DTNA: variants seen among roughly 807,000 people sequenced by gnomAD.
The protein encoded by DTNA is dystrophin-related protein 3.
Under a neutral mutation model 100.7 loss-of-function variants are expected in DTNA, and 43 were observed. The ratio of observed to expected loss-of-function variants is 0.43; its 90% CI spans 0.33 to 0.55. DTNA has a LOEUF of 0.55. DTNA is among the 20% of genes least tolerant of loss of function. The pLI is 0.04. For missense variants in DTNA, 798 were observed against 953.9 expected, an observed-to-expected ratio of 0.84 and a Z score of 2.15; for synonymous variants, 349 against 347.9, an observed-to-expected ratio of 1.00 and a Z score of -0.04.
intron 17 of DTNA, among the ~76,000 whole-genome samples, chr18:34,873,365 A>G (rs1053179773): frequency 1.3e-5 from 2 of 152,206 alleles, no homozygotes; most frequent in African/African-American, 4.8e-5. Context: ...CCCTTGATAA[A>G]GAGGACAGAG....
chr18:34,726,665 T>C (rs947119955), intron 1 of DTNA, among the ~76,000 whole-genome samples: 4 of 152,228 alleles, frequency 2.6e-5, no homozygotes, highest in Non-Finnish European at 5.9e-5. Context: ...GTGCAAGGGA[T>C]GGACTCCCAA....
chr18:34,841,273 C>T lies in DTNA; in HGVS notation c.1346+2436C>T, dbSNP rs80111425. ...CTCTTTTAAAATCTGCATCAACACA[C>T]GCCTTTCAGGATCTTTTGTGGATGC... is the stretch of plus-strand genomic sequence containing the variant. On this transcript the variant is annotated intron_variant, in intron 13 of 22. Coordinates refer to ENST00000444659, the MANE Select transcript of DTNA (RefSeq NM_001386795.1). 7.3e-3 allele frequency among the ~76,000 whole-genome samples: 1,105 copies of T among 152,298 alleles called. 18 individuals carry two copies. The highest frequency in any genetic ancestry group is 0.025 in the African/African-American group (1,026 of 41,566).
intron 4 of DTNA, among the ~76,000 whole-genome samples, chr18:34,796,390 T>C (rs2094970491): frequency 6.6e-6 from 1 of 152,190 alleles, no homozygotes; most frequent in African/African-American, 2.4e-5. Flanking sequence ...AATAGTAAAC[T>C]CCAATTTATC....
chr18:34,748,229 T>A lies in DTNA; in HGVS notation c.-1-7747T>A, dbSNP rs965863389. Among the ~76,000 whole-genome samples the A allele has an allele frequency of 1.1e-4, 4 of 36,206 alleles. No individual in the cohort carries two copies. In the Admixed American group the frequency reaches 2.0e-3, roughly 18 times the overall value. 23.8% of individuals were successfully genotyped at this position (36,206 alleles called of 152,430 possible). Reference sequence around the variant, plus strand: ...TTAATCCTTTGTCAGATGCATAGTTTGAGAAGATTTTCTCCCACTATATGG... The same window carrying A: ...TTAATCCTTTGTCAGATGCATAGTTAGAGAAGATTTTCTCCCACTATATGG... On this transcript the variant is annotated intron_variant, in intron 1 of 22. Coordinates refer to ENST00000444659, the MANE Select transcript of DTNA (RefSeq NM_001386795.1).
At chr18:34,667,466 A>C (rs376770765) in intron 1 of DTNA, among the ~76,000 whole-genome samples, 2 of 151,952 alleles carry the variant, frequency 1.3e-5, no homozygotes, top group African/African-American at 4.8e-5. Flanking sequence ...CTATGTTGAA[A>C]AGGAGTGGTG....
At chr18:34,591,164 T>C (rs2049681239) in intron 1 of DTNA, among the ~76,000 whole-genome samples, 2 of 152,184 alleles carry the variant, frequency 1.3e-5, no homozygotes, top group African/African-American at 4.8e-5. Flanking sequence ...GAAGTGCTCT[T>C]AACAAATATT....
At chr18:34,503,210 C>A (rs1187538178) in intron 1 of DTNA, among the ~76,000 whole-genome samples, 2 of 151,030 alleles carry the variant, frequency 1.3e-5, no homozygotes, top group African/African-American at 4.9e-5. Flanking sequence ...TTTTTCCATC[C>A]TTGTACTTTC....
At chr18:34,839,518 T>C (rs1356217199) in intron 13 of DTNA, among the ~76,000 whole-genome samples, 1 of 152,208 alleles carries the variant, frequency 6.6e-6, no homozygotes, top group Non-Finnish European at 1.5e-5. Context: ...CTTCCATTGG[T>C]TAAAGTTACT....
At chr18:34,799,977 C>G (rs2095143911) in intron 4 of DTNA, among the ~76,000 whole-genome samples, 1 of 152,128 alleles carries the variant, frequency 6.6e-6, no homozygotes, top group African/African-American at 2.4e-5. Flanking sequence ...GAAGCCAGAT[C>G]CAAATAAAGG....
At chr18:34,522,852 C>T (rs2042274885) in intron 1 of DTNA, among the ~76,000 whole-genome samples, 1 of 152,178 alleles carries the variant, frequency 6.6e-6, no homozygotes, top group Non-Finnish European at 1.5e-5. Flanking sequence ...CAGATGGGCC[C>T]AAGCAGGGGC....
chr18:34,591,703 G>C (rs952949985), intron 1 of DTNA, among the ~76,000 whole-genome samples: 1 of 152,114 alleles, frequency 6.6e-6, no homozygotes, highest in Non-Finnish European at 1.5e-5. Flanking sequence ...GCATTACATA[G>C]AGCCTGCAGT....
At chr18:34,626,906 CA>C (rs1232208971) in intron 1 of DTNA, among the ~76,000 whole-genome samples, 1 of 152,108 alleles carries the variant, frequency 6.6e-6, no homozygotes, top group African/African-American at 2.4e-5. Context: ...GCTCACTGAC[CA>C]AAGGTGTGTG....
intron 1 of DTNA, among the ~76,000 whole-genome samples, chr18:34,667,224 T>C (rs2076062633): frequency 6.6e-6 from 1 of 152,238 alleles, no homozygotes; most frequent in Non-Finnish European, 1.5e-5. Flanking sequence ...GCTCTCTGTT[T>C]GTCTGTTATT....
intron 1 of DTNA, among the ~76,000 whole-genome samples, chr18:34,512,357 A>G (rs1259753163): frequency 1.3e-5 from 2 of 152,016 alleles, no homozygotes; most frequent in Non-Finnish European, 2.9e-5. Context: ...GCAGGTACAC[A>G]CTAGTAAATC....
intron 21 of DTNA, among the ~76,000 whole-genome samples, chr18:34,882,545 T>C (rs2096883395): frequency 6.6e-6 from 1 of 151,960 alleles, no homozygotes; most frequent in African/African-American, 2.4e-5. Context: ...ATTTTTGTAT[T>C]TTTTAGTAGA....
intron 3 of DTNA, among the ~76,000 whole-genome samples, chr18:34,786,542 C>T (rs1327099406): frequency 3.3e-5 from 5 of 152,100 alleles, no homozygotes; most frequent in Non-Finnish European, 5.9e-5. Context: ...CAAGTCATAA[C>T]AGAAACCTCA....
chr18:34,867,751 CAGAT>C (rs1372195996), intron 17 of DTNA: 9 of 985,364 alleles, frequency 9.1e-6, no homozygotes, highest in Non-Finnish European at 1.1e-5. Context: ...AGTTCGTAAA[CAGAT>C]GGATGCACAG....
chr18:34,836,564 C>T (rs1603037179), intron 11 of DTNA, among the ~76,000 whole-genome samples: 1 of 148,890 alleles, frequency 6.7e-6, no homozygotes, highest in African/African-American at 2.5e-5. Context: ...AGGAGAATCA[C>T]TTGAACCTTG....
intron 1 of DTNA, among the ~76,000 whole-genome samples, chr18:34,721,580 A>G (rs1347050872): frequency 6.6e-6 from 1 of 152,226 alleles, no homozygotes; most frequent in African/African-American, 2.4e-5. Flanking sequence ...CTAACATATA[A>G]ATGAGTAGAC....
Sources: gnomAD v4.1 joint callset for allele counts (sites outside exome capture counted in the v4.1 genomes callset) on GRCh38, gnomAD v4.1.1 for gene constraint, MANE v1.5 for transcripts, NCBI Gene and HGNC (gene_info 2026-07-23, HGNC 2026-07-21) for gene names.